SPATA16: variants seen among roughly 807,000 people sequenced by gnomAD.
SPATA16 encodes spermatogenesis associated 16.
In SPATA16, 36 loss-of-function variants were observed where a neutral mutation model predicts 63.3. The observed-to-expected ratio is 0.57, with a 90% confidence interval of 0.44 to 0.75. SPATA16 has a LOEUF of 0.75. SPATA16 is among the 30% of genes least tolerant of loss of function. The pLI is 0.00. For synonymous variants in SPATA16, 203 were observed against 216.7 expected (o/e 0.94, Z 0.56); for missense variants, 646 against 679.3 (o/e 0.95, Z 0.54).
At chr3:172,904,203 G>C (rs1560062116) in intron 10 of SPATA16, among the ~76,000 whole-genome samples, 1 of 152,210 alleles carries the variant, frequency 6.6e-6, no homozygotes, top group African/African-American at 2.4e-5. Flanking sequence ...CACACACTAA[G>C]ACATCAGGAA....
At chr3:172,953,221 G>T (rs897441676) in intron 6 of SPATA16, among the ~76,000 whole-genome samples, 1 of 152,116 alleles carries the variant, frequency 6.6e-6, no homozygotes, top group Non-Finnish European at 1.5e-5. Flanking sequence ...CTAGAGTACT[G>T]TGTAAATAAA....
rs375772940 is a variant in SPATA16 at position 173,082,153 on chromosome 3, C to A, written c.613-33059G>T. Reference sequence around the variant, plus strand: ...CCCATAGCACCTTGTACCAGGCGTACCCCAACATTTGCAGGGCCTGGGGTA... The same window carrying A: ...CCCATAGCACCTTGTACCAGGCGTAACCCAACATTTGCAGGGCCTGGGGTA... On this transcript the variant is annotated intron_variant, in intron 2 of 10. Transcript: ENST00000351008. Among the ~76,000 whole-genome samples the A allele has an allele frequency of 3.3e-5, 5 of 152,252 alleles. No individual in the cohort carries two copies. In the East Asian group the frequency reaches 9.7e-4, roughly 29 times the overall value.
intron 10 of SPATA16, among the ~76,000 whole-genome samples, chr3:172,907,699 T>C (rs11915890): frequency 0.13 from 19,797 of 151,754 alleles, 1,843 homozygotes; most frequent in African/African-American, 0.26. Flanking sequence ...CCTCAGCCTC[T>C]TGAGTAGCTG....
intron 5 of SPATA16, among the ~76,000 whole-genome samples, chr3:172,958,666 T>C (rs560892854): frequency 1.2e-3 from 180 of 152,310 alleles, no homozygotes; most frequent in Non-Finnish European, 1.9e-3. Flanking sequence ...TTCTGGAGAC[T>C]GGAAGTCCAA....
At chr3:173,028,893 A>C (rs1039861947) in intron 3 of SPATA16, among the ~76,000 whole-genome samples, 5 of 152,080 alleles carry the variant, frequency 3.3e-5, no homozygotes, top group African/African-American at 1.2e-4. Flanking sequence ...TCTGGAAAAC[A>C]TAGTGTGTGA....
intron 2 of SPATA16, among the ~76,000 whole-genome samples, chr3:173,057,709 C>T (rs1008743976): frequency 6.6e-6 from 1 of 152,184 alleles, no homozygotes; most frequent in Non-Finnish European, 1.5e-5. Context: ...CAGTACCATT[C>T]AATGAACTAA....
intron 8 of SPATA16, among the ~76,000 whole-genome samples, chr3:172,920,658 A>C (rs1289495314): frequency 6.6e-6 from 1 of 152,222 alleles, no homozygotes; most frequent in Non-Finnish European, 1.5e-5. Flanking sequence ...ATTATTGCCA[A>C]GTTAACTTTT....
intron 3 of SPATA16, among the ~76,000 whole-genome samples, chr3:173,031,391 G>C (rs1255570678): frequency 6.7e-6 from 1 of 148,840 alleles, no homozygotes; most frequent in Admixed American, 6.6e-5. Context: ...TAAATTTGCT[G>C]GTAGCTAATG....
At chr3:173,067,094 T>C (rs761816894) in intron 2 of SPATA16, among the ~76,000 whole-genome samples, 6 of 151,942 alleles carry the variant, frequency 3.9e-5, no homozygotes, top group Non-Finnish European at 8.8e-5. Flanking sequence ...TCAAAGGTAG[T>C]CTATATTAAA....
intron 9 of SPATA16, among the ~76,000 whole-genome samples, chr3:172,915,099 A>T (rs1732450642): frequency 6.6e-6 from 1 of 152,118 alleles, no homozygotes; most frequent in South Asian, 2.1e-4. Context: ...TACTTACTAT[A>T]CTTCTGAGTG....
intron 5 of SPATA16, among the ~76,000 whole-genome samples, chr3:172,964,613 T>C (rs755818654): frequency 6.6e-6 from 1 of 152,220 alleles, no homozygotes; most frequent in Non-Finnish European, 1.5e-5. Context: ...GACCCTTTTT[T>C]GTCATTGTGC....
intron 2 of SPATA16, among the ~76,000 whole-genome samples, chr3:173,089,869 A>T (rs1265664492): frequency 6.6e-6 from 1 of 152,168 alleles, no homozygotes; most frequent in Non-Finnish European, 1.5e-5. Flanking sequence ...GCCGTGGCTG[A>T]GATTATGACA....
intron 6 of SPATA16, among the ~76,000 whole-genome samples, chr3:172,949,967 G>A (rs759317957): frequency 6.6e-6 from 1 of 152,146 alleles, no homozygotes; most frequent in Non-Finnish European, 1.5e-5. Context: ...TACAATACCT[G>A]TTTAATTTCT....
Position 173,039,840 on chromosome 3 carries a change from T to C in SPATA16, c.758+9109A>G, listed in dbSNP as rs1254562363. ...TATGCAGAGCTATTTTAATTAATAA[T>C]TGCAAGCTCTGTTATGAAAAAATGA... On this transcript the variant is annotated intron_variant, in intron 3 of 10. Transcript: ENST00000351008. Among the ~76,000 whole-genome samples, 3 of 152,194 alleles carry C rather than the reference T, an allele frequency of 2.0e-5. No individual in the cohort carries two copies. In the East Asian group the frequency reaches 5.8e-4, roughly 29 times the overall value.
chr3:173,031,971 A>C (rs1273264830), intron 3 of SPATA16, among the ~76,000 whole-genome samples: 2 of 152,140 alleles, frequency 1.3e-5, no homozygotes, highest in African/African-American at 2.4e-5. Context: ...AAATTACTGT[A>C]GATTATTGTC....
chr3:172,955,167 C>T (rs951029192), intron 6 of SPATA16, among the ~76,000 whole-genome samples: 6 of 152,056 alleles, frequency 3.9e-5, no homozygotes, highest in African/African-American at 9.7e-5. Context: ...GTGGTGCTTC[C>T]GAACTATTAA....
chr3:173,094,765 T>G (rs1437928610), intron 2 of SPATA16, among the ~76,000 whole-genome samples: 1 of 150,056 alleles, frequency 6.7e-6, no homozygotes, highest in Non-Finnish European at 1.5e-5. Flanking sequence ...GGAAGGACCT[T>G]CTTCTGAAAG....
chr3:172,913,250 C>G (rs938443453), intron 10 of SPATA16, among the ~76,000 whole-genome samples: 3 of 152,088 alleles, frequency 2.0e-5, no homozygotes, highest in Non-Finnish European at 4.4e-5. Context: ...CTAAAAACAT[C>G]AATGTGCTAG....
intron 4 of SPATA16, among the ~76,000 whole-genome samples, chr3:173,008,049 G>T (rs953766339): frequency 1.3e-5 from 2 of 151,994 alleles, no homozygotes; most frequent in East Asian, 1.9e-4. Flanking sequence ...TGATATTTTT[G>T]ATTTCAGTGC....
Sources: gnomAD v4.1 joint callset for allele counts (sites outside exome capture counted in the v4.1 genomes callset) on GRCh38, gnomAD v4.1.1 for gene constraint, MANE v1.5 for transcripts, NCBI Gene and HGNC (gene_info 2026-07-23, HGNC 2026-07-21) for gene names.